PPP1R12A: variants seen among roughly 807,000 people sequenced by gnomAD.
PPP1R12A encodes the protein protein phosphatase 1 regulatory subunit 12A, also known as myosin binding subunit.
Under a neutral mutation model 139.6 loss-of-function variants are expected in PPP1R12A, and 19 were observed. The observed-to-expected ratio is 0.14, with a 90% CI of 0.09 to 0.20. The LOEUF (loss-of-function observed/expected upper bound fraction) is 0.20. PPP1R12A is among the 10% of genes least tolerant of loss of function. The pLI is 1.00. For missense variants in PPP1R12A, 925 were observed against 1,211.5 expected, an observed-to-expected ratio of 0.76 and a Z score of 3.51; for synonymous variants, 427 against 420.6, an observed-to-expected ratio of 1.02 and a Z score of -0.19.
rs201977462 is a variant in PPP1R12A, at chr12:79,801,345, C to CAAAAAAAAAAAAAAAAAAAAAAAAAA, written c.2001-2787_2001-2762dup. 1.5e-4 allele frequency among the ~76,000 whole-genome samples: 3 copies of CAAAAAAAAAAAAAAAAAAAAAAAAAA among 20,188 alleles called. 1 individual carries two copies. The highest frequency in any genetic ancestry group is 4.6e-4 in the Admixed American group (1 of 2,188). The allele number at this position is 20,188 out of a possible 152,430, so 13.2% of individuals were successfully genotyped here. On this transcript the variant is annotated intron_variant, in intron 14 of 24. Transcript: ENST00000450142. The stretch of plus-strand genomic sequence containing the variant: ...GGGCAACTAGAGCAAAACTCTGTCT[C>CAAAAAAAAAAAAAAAAAAAAAAAAAA]AAAAAAAAAAAAAAAAAAAAAAAAA...
At chr12:79,797,823 G>A (rs145299668) in intron 15 of PPP1R12A, among the ~76,000 whole-genome samples, 1 of 152,248 alleles carries the variant, frequency 6.6e-6, no homozygotes, top group African/African-American at 2.4e-5. Flanking sequence ...ATTTCAAGAA[G>A]TGAAAAGTAT....
At position 79,821,063 on chromosome 12, in the gene PPP1R12A, G is replaced by A; in HGVS notation, c.956+15C>T. On this transcript the variant is annotated intron_variant, in intron 7 of 24. Coordinates refer to ENST00000450142, the MANE Select transcript of PPP1R12A (RefSeq NM_002480.3). ...ATTAACAAAAATAACAAATGTACTT[G>A]AATATTTTACTCACTTTTTAAAGGT... The A allele has an allele frequency of 6.3e-7, 1 of 1,599,862 alleles. No homozygotes were observed. Among genetic ancestry groups the A allele is most frequent in the East Asian group, 2.2e-5 (1 of 44,734 alleles).
intron 1 of PPP1R12A, among the ~76,000 whole-genome samples, chr12:79,897,671 C>T (rs1213047419): frequency 1.3e-5 from 2 of 152,106 alleles, no homozygotes; most frequent in Non-Finnish European, 2.9e-5. Flanking sequence ...CTGTGAAGAC[C>T]TTAGAACTCT....
chr12:79,802,410 T>G (rs1873298318), intron 14 of PPP1R12A, among the ~76,000 whole-genome samples: 1 of 152,222 alleles, frequency 6.6e-6, no homozygotes, highest in South Asian at 2.1e-4. Context: ...AAGTTATTAC[T>G]TTTTGGACTT....
At chr12:79,894,296 G>A (rs919207350) in intron 1 of PPP1R12A, among the ~76,000 whole-genome samples, 1 of 152,148 alleles carries the variant, frequency 6.6e-6, no homozygotes, top group South Asian at 2.1e-4. Context: ...TTTAACTACT[G>A]TGGTAATAAA....
At chr12:79,802,707 G>A (rs1456114237) in intron 14 of PPP1R12A, among the ~76,000 whole-genome samples, 1 of 152,114 alleles carries the variant, frequency 6.6e-6, no homozygotes, top group African/African-American at 2.4e-5. Context: ...CTTGAGCCCA[G>A]GAGGTCATGG....
chr12:79,810,381 T>C (rs1005169326), intron 9 of PPP1R12A, among the ~76,000 whole-genome samples: 5 of 152,184 alleles, frequency 3.3e-5, no homozygotes, highest in Admixed American at 1.3e-4. Context: ...TTCTTGCACA[T>C]AGAAATGCCT....
Position 79,795,650 on chromosome 12 carries a change from A to T in PPP1R12A, c.2571T>A (p.Phe857Leu), listed in dbSNP as rs891829914. The T allele has an allele frequency of 6.2e-7, 1 of 1,611,106 alleles. No individual in the cohort carries two copies. The highest frequency in any genetic ancestry group is 8.5e-7 in the Non-Finnish European group (1 of 1,179,132). The change falls in exon 18 of 25, where the codon TTT becomes TTA. Residue 857 changes from phenylalanine to leucine, a missense_variant. Coordinates refer to ENST00000450142, the MANE Select transcript of PPP1R12A (RefSeq NM_002480.3). ...AATAGGTTCTCACATCTTGTGTCCAAAATGAAACTCCTGTAGATCTTCTTT... is the reference window on the plus strand; with the variant it reads ...AATAGGTTCTCACATCTTGTGTCCATAATGAAACTCCTGTAGATCTTCTTT... The part of the protein sequence containing the change: ...REKRRSTGVS[F>L]WTQDSDENEQ...
intron 2 of PPP1R12A, among the ~76,000 whole-genome samples, chr12:79,846,336 G>T (rs1565775072): frequency 6.6e-6 from 1 of 152,108 alleles, no homozygotes; most frequent in Non-Finnish European, 1.5e-5. Context: ...ATACAAAAAG[G>T]TTATTTATCT....
At chr12:79,880,898 T>C (rs572693534) in intron 1 of PPP1R12A, among the ~76,000 whole-genome samples, 1 of 152,294 alleles carries the variant, frequency 6.6e-6, no homozygotes, top group African/African-American at 2.4e-5. Flanking sequence ...TTTTGGTAAT[T>C]TGCACAATAT....
In PPP1R12A at chr12:79,929,768, C is replaced by CA. The variant is rs562523290; in HGVS notation, c.237+4926dup. The stretch of plus-strand genomic sequence containing the variant: ...TGGGTGACAGAATGAGACTCCATCT[C>CA]AAAAAAAAAAAAAGATTTTTTTAAA... On this transcript the variant is annotated intron_variant, in intron 1 of 24. Coordinates refer to ENST00000450142, the MANE Select transcript of PPP1R12A (RefSeq NM_002480.3). Among the ~76,000 whole-genome samples the CA allele has an allele frequency of 3.5e-3, 421 of 119,630 alleles. 4 individuals carry two copies. The highest frequency in any genetic ancestry group is 0.025 in the South Asian group (93 of 3,792). 78.5% of individuals were successfully genotyped at this position (119,630 alleles called of 152,430 possible). A position where few individuals can be genotyped will look rare whatever the true frequency, so the allele number is the denominator to read the frequency against.
chr12:79,889,384 C>G (rs1884389268), intron 1 of PPP1R12A, among the ~76,000 whole-genome samples: 1 of 152,118 alleles, frequency 6.6e-6, no homozygotes, highest in Admixed American at 6.6e-5. Flanking sequence ...TCTCCACCAG[C>G]CTAGTGATAG....
At chr12:79,860,640 T>A (rs150610750) in intron 2 of PPP1R12A, among the ~76,000 whole-genome samples, 79 of 152,302 alleles carry the variant, frequency 5.2e-4, no homozygotes, top group African/African-American at 1.8e-3. Flanking sequence ...TTTTATAGGG[T>A]ATGGGATGAA....
At chr12:79,818,547 C>T (rs1875692207) in intron 8 of PPP1R12A, among the ~76,000 whole-genome samples, 1 of 152,136 alleles carries the variant, frequency 6.6e-6, no homozygotes, top group East Asian at 1.9e-4. Flanking sequence ...CCAGCCCCAC[C>T]ATCCAACTTA....
At chr12:79,835,461 T>C (rs573267472) in intron 3 of PPP1R12A, among the ~76,000 whole-genome samples, 5 of 152,098 alleles carry the variant, frequency 3.3e-5, no homozygotes, top group African/African-American at 9.6e-5. Flanking sequence ...GCCTGACTAA[T>C]ACACCATCCT....
intron 1 of PPP1R12A, among the ~76,000 whole-genome samples, chr12:79,873,408 C>T (rs1322179737): frequency 2.0e-5 from 3 of 150,780 alleles, no homozygotes; most frequent in African/African-American, 7.3e-5. Flanking sequence ...TGTAAAACTG[C>T]ATGTGTTTTA....
rs931145897 is a variant in PPP1R12A at position 79,897,248 on chromosome 12, T to C, written c.238-24310A>G. ...ATCATGTCTTCTGCAGTAACATGGA[T>C]GCAAGGTGCAGGTGAAGGCCATTAT... On this transcript the variant is annotated intron_variant, in intron 1 of 24. Transcript: ENST00000450142. Among the ~76,000 whole-genome samples the C allele has an allele frequency of 9.2e-5, 14 of 152,284 alleles. No homozygotes were observed. The East Asian group carries it at 2.5e-3, about 27-fold the overall frequency.
intron 2 of PPP1R12A, among the ~76,000 whole-genome samples, chr12:79,857,458 G>T (rs1316892538): frequency 6.6e-6 from 1 of 151,870 alleles, no homozygotes; most frequent in African/African-American, 2.4e-5. Flanking sequence ...GGGAGGGATA[G>T]CATTAGGAGA....
At chr12:79,911,611 T>C (rs1378290495) in intron 1 of PPP1R12A, among the ~76,000 whole-genome samples, 1 of 152,160 alleles carries the variant, frequency 6.6e-6, no homozygotes, top group African/African-American at 2.4e-5. Flanking sequence ...GGTTTTTTTT[T>C]AAGACTTAAA....
Sources: gnomAD v4.1 joint callset for allele counts (sites outside exome capture counted in the v4.1 genomes callset) on GRCh38, gnomAD v4.1.1 for gene constraint, MANE v1.5 for transcripts, NCBI Gene and HGNC (gene_info 2026-07-23, HGNC 2026-07-21) for gene names.